The following RCC1L variants were observed in gnomAD, a reference collection of about 807,000 sequenced individuals.
RCC1L encodes the protein RCC1-like G exchanging factor-like protein.
In RCC1L, 46 loss-of-function variants were observed where a neutral mutation model predicts 58.6. The observed-to-expected ratio is 0.79, with a 90% CI of 0.62 to 1.00. The LOEUF is 1.00. RCC1L is among the 50% of genes least tolerant of loss of function. The pLI is 0.00. For synonymous variants in RCC1L, 281 were observed against 262.9 expected (o/e 1.07, Z -0.67); for missense variants, 636 against 623.6 (o/e 1.02, Z -0.21).
At chr7:75,067,206 CAGA>C (rs1355867162) in intron 2 of RCC1L, among the ~76,000 whole-genome samples, 2 of 151,736 alleles carry the variant, frequency 1.3e-5, no homozygotes, top group African/African-American at 2.4e-5. Flanking sequence ...GAGGCTGAGG[CAGA>C]AGAACTGCTT....
intron 7 of RCC1L, 38 bp from the exon 8 acceptor site, chr7:75,057,654 A>G (rs962866546): frequency 6.2e-7 from 1 of 1,603,370 alleles, no homozygotes; most frequent in African/African-American, 1.3e-5. Context: ...TAGGAAAGCA[A>G]GCCAGTAAGG....
chr7:75,039,834 T>C (rs1056786800), downstream of RCC1L, among the ~76,000 whole-genome samples: 27 of 152,112 alleles, frequency 1.8e-4, 1 homozygote, highest in Non-Finnish European at 3.2e-4. Flanking sequence ...GACGGGAGCT[T>C]GCAAACACTG....
At position 75,042,620 on chromosome 7, in the gene RCC1L, A is replaced by G. The variant is rs907395480; in HGVS notation, c.*412T>C. 2 of 1,027,892 alleles carry G rather than the reference A, an allele frequency of 1.9e-6. No homozygotes were observed. Among genetic ancestry groups the G allele is most frequent in the Non-Finnish European group, 2.3e-6 (2 of 855,302 alleles). 63.7% of individuals were successfully genotyped at this position (1,027,892 alleles called of 1,614,324 possible). On this transcript the variant is annotated 3_prime_UTR_variant, in exon 11 of 11. Coordinates refer to ENST00000610322, the MANE Select transcript of RCC1L (RefSeq NM_030798.5). ...TAAGCTGGGGCTCGGTCCGAGGCAC[A>G]CGCATGGCCTTGGCCAGACACAAAC...
intron 6 of RCC1L, among the ~76,000 whole-genome samples, chr7:75,060,579 T>C (rs1456144136): frequency 2.6e-5 from 4 of 152,298 alleles, no homozygotes; most frequent in Non-Finnish European, 5.9e-5. Context: ...TACAGCCGTG[T>C]GCCACCACAC....
intron 9 of RCC1L, 173 bp downstream of exon 9, chr7:75,055,728 T>C: frequency 1.3e-6 from 1 of 741,298 alleles, no homozygotes; most frequent in Non-Finnish European, 2.3e-6. Flanking sequence ...AACAAGACAT[T>C]ATACAACCTC....
At position 75,073,566 on chromosome 7, in the gene RCC1L, C is replaced by G; in HGVS notation, c.172G>C (p.Ala58Pro). The G allele has an allele frequency of 2.7e-6, 4 of 1,509,142 alleles. No homozygotes were observed. Among genetic ancestry groups the G allele is most frequent in the Non-Finnish European group, 3.5e-6 (4 of 1,138,092 alleles). 93.5% of individuals were successfully genotyped at this position (1,509,142 alleles called of 1,614,324 possible). ...VQYVGERAAR[A>P]DRVFVWGFSF... ...AAGCCCCACACGAAGACGCGATCGGCGCGGGCAGCGCGCTCGCCCACGTAC... is the reference window on the plus strand; with the variant it reads ...AAGCCCCACACGAAGACGCGATCGGGGCGGGCAGCGCGCTCGCCCACGTAC... Residue 58 changes from alanine (A) to proline (P), a missense_variant, in exon 1 of 11, where the codon GCC becomes CCC. Transcript: ENST00000610322.
intron 8 of RCC1L, chr7:75,056,642 C>T (rs1254670525): frequency 2.6e-6 from 4 of 1,535,228 alleles, no homozygotes; most frequent in Non-Finnish European, 3.5e-6. Flanking sequence ...TCTCTCTGGC[C>T]CAGGCTAAGG....
chr7:75,046,408 C>T (rs2131980351), intron 10 of RCC1L, among the ~76,000 whole-genome samples: 1 of 152,334 alleles, frequency 6.6e-6, no homozygotes, highest in Non-Finnish European at 1.5e-5. Context: ...TTCCTCACGG[C>T]TGCACTTAAG....
In RCC1L at chr7:75,037,026, C is replaced by A. The variant is rs1174230395; in HGVS notation, c.1318-8947G>T. Among the ~76,000 whole-genome samples the A allele has an allele frequency of 3.9e-5, 6 of 152,284 alleles. No homozygotes were observed. The East Asian group carries it at 9.6e-4, about 24-fold the overall frequency. ...CCCCAAGGAGGGAACTCAAACGGGG[C>A]ATCCTTCCGACTGGCGTGACTTCAT... On this transcript the variant is annotated intron_variant, in intron 10 of 10. Transcript: ENST00000614461.
At chr7:75,061,509 C>T (rs1270179134) in intron 5 of RCC1L, among the ~76,000 whole-genome samples, 1 of 152,152 alleles carries the variant, frequency 6.6e-6, no homozygotes, top group Non-Finnish European at 1.5e-5. Flanking sequence ...TCCAAAGGGG[C>T]AAATCCAAGA....
At chr7:75,029,159 T>C (rs1805227001) in intron 10 of RCC1L, among the ~76,000 whole-genome samples, 1 of 152,136 alleles carries the variant, frequency 6.6e-6, no homozygotes, top group Admixed American at 6.5e-5. Context: ...TTTGGTGATC[T>C]TCAAAGGTGA....
chr7:75,032,843 G>C (rs1034476807), intron 10 of RCC1L, among the ~76,000 whole-genome samples: 1 of 151,912 alleles, frequency 6.6e-6, no homozygotes, highest in Non-Finnish European at 1.5e-5. Flanking sequence ...AGGTGGAGGC[G>C]GGAGGATTAC....
At chr7:75,047,078 C>T (rs1043010510) in intron 10 of RCC1L, among the ~76,000 whole-genome samples, 1 of 152,126 alleles carries the variant, frequency 6.6e-6, no homozygotes, top group Non-Finnish European at 1.5e-5. Context: ...CTGCCTCAGC[C>T]CCCCAAGTAG....
At chr7:75,029,880 G>A (rs1427783100) in intron 10 of RCC1L, among the ~76,000 whole-genome samples, 48 of 152,202 alleles carry the variant, frequency 3.2e-4, no homozygotes, top group Admixed American at 2.9e-3. Context: ...AAAGGAGGCC[G>A]GGCTCGGTGG....
At position 75,052,737 on chromosome 7, in the gene RCC1L, G is replaced by A. The variant is rs1360216980; in HGVS notation, c.1291C>T (p.Leu431=). The change falls in exon 10 of 11, where the codon CTG becomes TTG. Residue 431 remains leucine, a synonymous_variant. Coordinates refer to ENST00000610322, the MANE Select transcript of RCC1L (RefSeq NM_030798.5). ...NIRGCLGIGR[L]EDQYFPWRVT... is the part of the protein sequence containing the mutation. ...CTCCATGGGAAATACTGGTCCTCCA[G>A]GCGACCGATTCCCAGGCACCCTCGG... 1 of 1,613,032 alleles carries A rather than the reference G, an allele frequency of 6.2e-7. No homozygotes were observed. The highest frequency in any genetic ancestry group is 2.2e-5 in the East Asian group (1 of 44,834).
chr7:75,037,254 G>A (rs987847006), downstream of RCC1L, among the ~76,000 whole-genome samples: 77 of 152,184 alleles, frequency 5.1e-4, no homozygotes, highest in African/African-American at 1.7e-3. Flanking sequence ...GTGTGATCTC[G>A]ACTCACTGCA....
At chr7:75,061,437 C>T (rs1489200653) in intron 5 of RCC1L, 146 bp from the exon 6 acceptor site, 5 of 741,056 alleles carry the variant, frequency 6.7e-6, no homozygotes, top group Non-Finnish European at 7.5e-6. Flanking sequence ...CATCTTACTC[C>T]TTCTCAATCT....
intron 1 of RCC1L, 151 bp downstream of exon 1, chr7:75,073,263 C>T: frequency 6.8e-6 from 3 of 443,132 alleles, no homozygotes; most frequent in East Asian, 7.1e-5. Flanking sequence ...TAACGCCTTC[C>T]CCTCCTGGGC....
chr7:75,073,302 G>A, intron 1 of RCC1L, 112 bp downstream of exon 1: 1 of 483,598 alleles, frequency 2.1e-6, no homozygotes. Context: ...TCGTCCTGCC[G>A]GAAGTCTGTC....
Sources: allele counts gnomAD v4.1 joint callset (sites outside exome capture counted in the v4.1 genomes callset), GRCh38; gene constraint gnomAD v4.1.1; transcripts MANE v1.5; gene names NCBI Gene and HGNC (gene_info 2026-07-23, HGNC 2026-07-21).